Variants in PRKCE observed in about 807,000 individuals in gnomAD.
PRKCE encodes protein kinase C epsilon type.
A neutral mutation model predicts 85.4 loss-of-function variants in PRKCE; 16 were observed. That is an observed-to-expected ratio of 0.19 (90% CI 0.13 to 0.28). The LOEUF is 0.28. Ranked by LOEUF, PRKCE falls within the 10% of genes least tolerant of loss-of-function variation. The probability of loss-of-function intolerance (pLI) is 1.00; values close to 1 mark genes in which losing one functional copy is unlikely to be tolerated. For synonymous variants in PRKCE, 388 were observed against 371.5 expected (o/e 1.04, Z -0.51); for missense variants, 573 against 975.2 (o/e 0.59, Z 5.49).
At chr2:45,681,254 A>T (rs753354754) in intron 1 of PRKCE, among the ~76,000 whole-genome samples, 1 of 123,760 alleles carries the variant, frequency 8.1e-6, no homozygotes, top group Non-Finnish European at 1.6e-5. Context: ...ACCCCACTGC[A>T]CTCCAGCCTG....
At chr2:45,796,074 G>T (rs1687412184) in intron 1 of PRKCE, among the ~76,000 whole-genome samples, 1 of 152,146 alleles carries the variant, frequency 6.6e-6, no homozygotes, top group Admixed American at 6.5e-5. Context: ...CTGTGCCTTT[G>T]CTCATGCTGT....
intron 2 of PRKCE, among the ~76,000 whole-genome samples, chr2:45,881,414 G>T (rs1694881238): frequency 6.6e-6 from 1 of 152,090 alleles, no homozygotes; most frequent in African/African-American, 2.4e-5. Flanking sequence ...GAATTTCTAG[G>T]CCTCATTACC....
chr2:45,702,115 G>A (rs1266369758), intron 1 of PRKCE, among the ~76,000 whole-genome samples: 1 of 152,138 alleles, frequency 6.6e-6, no homozygotes, highest in Non-Finnish European at 1.5e-5. Flanking sequence ...CTTGAACCTG[G>A]GAGGCAGAGG....
chr2:45,830,863 A>G (rs1032451796), intron 1 of PRKCE, among the ~76,000 whole-genome samples: 1 of 152,264 alleles, frequency 6.6e-6, no homozygotes, highest in East Asian at 1.9e-4. Flanking sequence ...ATTATGTGTG[A>G]GAACAGGCAT....
At chr2:45,671,838 G>A (rs929091588) in intron 1 of PRKCE, among the ~76,000 whole-genome samples, 1 of 152,104 alleles carries the variant, frequency 6.6e-6, no homozygotes, top group African/African-American at 2.4e-5. Context: ...CGAGGCCGAG[G>A]CAGGGGGATT....
intron 11 of PRKCE, among the ~76,000 whole-genome samples, chr2:46,140,110 T>TA (rs1439489836): frequency 1.3e-5 from 2 of 152,138 alleles, no homozygotes; most frequent in Admixed American, 6.5e-5. Context: ...CTCAACATCA[T>TA]AAAAATATCA....
chr2:45,977,865 T>C (rs1206788849), intron 3 of PRKCE, among the ~76,000 whole-genome samples: 4 of 152,202 alleles, frequency 2.6e-5, no homozygotes, highest in South Asian at 4.1e-4. Context: ...GTCTGAGCTC[T>C]TTGAAGCTGA....
chr2:46,032,649 T>G (rs926933878), intron 10 of PRKCE, among the ~76,000 whole-genome samples: 1 of 152,104 alleles, frequency 6.6e-6, no homozygotes, highest in African/African-American at 2.4e-5. Flanking sequence ...AACAATGGTG[T>G]GTTGATGCTT....
At chr2:46,037,777 G>A (rs1707961900) in intron 10 of PRKCE, among the ~76,000 whole-genome samples, 1 of 152,168 alleles carries the variant, frequency 6.6e-6, no homozygotes, top group Non-Finnish European at 1.5e-5. Flanking sequence ...GGAGGCCTTT[G>A]AGAGTCAGGA....
At chr2:45,749,979 TA>T (rs1683421545) in intron 1 of PRKCE, among the ~76,000 whole-genome samples, 1 of 152,278 alleles carries the variant, frequency 6.6e-6, no homozygotes, top group Non-Finnish European at 1.5e-5. Context: ...TATTCTGTAT[TA>T]AAAAAATCTT....
rs1685560329 is a variant in PRKCE at position 45,774,070 on chromosome 2, C to G, written c.349-68930C>G. 6.6e-6 allele frequency among the ~76,000 whole-genome samples: 1 copy of G among 152,196 alleles called. No homozygotes were observed. Among genetic ancestry groups the G allele is most frequent in the African/African-American group, 2.4e-5 (1 of 41,440 alleles). On this transcript the variant is annotated intron_variant, in intron 1 of 14. Transcript: ENST00000306156. The surrounding 1 kb of genome is among the most constrained non-coding windows in gnomAD (Gnocchi z 4.3). The stretch of plus-strand genomic sequence containing the variant: ...AGAGTCCTCCCCTCCCCCGCTGCTG[C>G]TGTTCATCTTGGGGGACCCACCCTT...
At chr2:46,183,467 C>G in intron 14 of PRKCE, among the ~76,000 whole-genome samples, 1 of 152,216 alleles carries the variant, frequency 6.6e-6, no homozygotes. Context: ...AGTCACTAAT[C>G]CTGGGTAATA....
chr2:46,095,696 C>T (rs1487067333), intron 11 of PRKCE, among the ~76,000 whole-genome samples: 2 of 152,198 alleles, frequency 1.3e-5, no homozygotes, highest in Non-Finnish European at 2.9e-5. Flanking sequence ...TCAGTTACCA[C>T]TCATCCGTTT....
At chr2:46,075,824 C>T (rs1668507580) in intron 10 of PRKCE, among the ~76,000 whole-genome samples, 1 of 152,202 alleles carries the variant, frequency 6.6e-6, no homozygotes, top group African/African-American at 2.4e-5. Flanking sequence ...AATGGGCAGA[C>T]TGGAGCGTAA....
chr2:45,881,391 CACATTTTAA>C (rs1438036200), intron 2 of PRKCE, among the ~76,000 whole-genome samples: 3 of 152,132 alleles, frequency 2.0e-5, no homozygotes, highest in Non-Finnish European at 4.4e-5. Flanking sequence ...CTTAGATGGA[CACATTTTAA>C]ATGGAATTTC....
chr2:46,034,059 G>T (rs1290430321), intron 10 of PRKCE, among the ~76,000 whole-genome samples: 6 of 152,200 alleles, frequency 3.9e-5, no homozygotes, highest in African/African-American at 1.4e-4. Context: ...AGTGGGTAAG[G>T]ACATAGCCTT....
intron 2 of PRKCE, among the ~76,000 whole-genome samples, chr2:45,969,826 T>A (rs1562654): frequency 0.82 from 125,332 of 152,200 alleles, 52,157 homozygotes; most frequent in East Asian, 0.97. Flanking sequence ...TGCTTGACAT[T>A]GGGGTGTATT....
At chr2:45,950,963 A>G (rs934929457) in intron 2 of PRKCE, among the ~76,000 whole-genome samples, 7 of 152,152 alleles carry the variant, frequency 4.6e-5, no homozygotes, top group Non-Finnish European at 1.0e-4. Context: ...ATCTGAGATC[A>G]TGTTCACTTG....
At chr2:45,885,001 A>ATATTTTTTTTTTT (rs1342824133) in intron 2 of PRKCE, among the ~76,000 whole-genome samples, 5 of 71,538 alleles carry the variant, frequency 7.0e-5, no homozygotes, top group East Asian at 5.0e-4. Context: ...ATATATATAT[A>ATATTTTTTTTTTT]TTTGTTGTTG....
Sources: gnomAD v4.1 joint callset for allele counts (sites outside exome capture counted in the v4.1 genomes callset) on GRCh38, gnomAD v4.1.1 for gene constraint, Gnocchi (gnomAD v3.1) non-coding constraint, MANE v1.5 for transcripts, NCBI Gene and HGNC (gene_info 2026-07-23, HGNC 2026-07-21) for gene names.